CCSER1: variants seen among roughly 807,000 people sequenced by gnomAD.
CCSER1 encodes the protein coiled-coil serine rich protein 1.
CCSER1 carries 41 observed loss-of-function variants against 82.0 expected under a neutral mutation model. The ratio of observed to expected loss-of-function variants is 0.50; its 90% CI spans 0.39 to 0.65. The LOEUF (loss-of-function observed/expected upper bound fraction) is 0.65. Among genes scored for constraint, CCSER1 ranks in the 30% least tolerant of loss-of-function variants. CCSER1 has a pLI of 0.00. For synonymous variants in CCSER1, 414 were observed against 383.9 expected, an observed-to-expected ratio of 1.08 and a Z score of -0.92; for missense variants, 1,119 against 1,064.2, an observed-to-expected ratio of 1.05 and a Z score of -0.72.
intron 3 of CCSER1, among the ~76,000 whole-genome samples, chr4:90,371,563 A>T (rs539694833): frequency 1.3e-5 from 2 of 152,076 alleles, no homozygotes; most frequent in Admixed American, 6.6e-5. Context: ...AACAGTTATG[A>T]AAAAGGTTAA....
At chr4:91,484,382 C>G (rs576135503) in intron 10 of CCSER1, among the ~76,000 whole-genome samples, 1 of 152,120 alleles carries the variant, frequency 6.6e-6, no homozygotes, top group Non-Finnish European at 1.5e-5. Flanking sequence ...ATTCCCATCC[C>G]CAGTCACTAC....
intron 8 of CCSER1, among the ~76,000 whole-genome samples, chr4:90,907,335 G>A (rs1441524037): frequency 6.6e-6 from 1 of 152,102 alleles, no homozygotes; most frequent in Non-Finnish European, 1.5e-5. Flanking sequence ...CTGACAAATA[G>A]AATGTATCTG....
At chr4:90,845,938 G>A (rs553320568) in intron 8 of CCSER1, among the ~76,000 whole-genome samples, 1 of 151,760 alleles carries the variant, frequency 6.6e-6, no homozygotes, top group African/African-American at 2.4e-5. Flanking sequence ...TGAGTCATTA[G>A]TGTCATAGTG....
In CCSER1 at chr4:90,648,284, G is replaced by GGAAAGAAAGAAAGAAAGAAAGGAAA. The variant is rs1553969667; in HGVS notation, c.1932+20073_1932+20074insGAAAGAAAGAAAGAAAGAAAGAAAG. ...AGAAAGAAAGAGAGAGAGAAAGAAAGGAAAGAAAGAAAGAAAGAAAGAAAG... is the reference window on the plus strand; with the variant it reads ...AGAAAGAAAGAGAGAGAGAAAGAAAGGAAAGAAAGAAAGAAAGAAAGGAAAGAAAGAAAGAAAGAAAGAAAGAAAG... On this transcript the variant is annotated intron_variant, in intron 6 of 10. Transcript: ENST00000509176. Among the ~76,000 whole-genome samples the GGAAAGAAAGAAAGAAAGAAAGGAAA allele has an allele frequency of 5.0e-3, 448 of 89,860 alleles. 5 individuals carry two copies. Among genetic ancestry groups the GGAAAGAAAGAAAGAAAGAAAGGAAA allele is most frequent in the African/African-American group, 0.018 (428 of 23,798 alleles). The allele number at this position is 89,860 out of a possible 152,430, so 59.0% of individuals were successfully genotyped here.
Position 90,499,778 on chromosome 4 carries a change from A to G in CCSER1, c.1724+31424A>G, listed in dbSNP as rs939836407. On this transcript the variant is annotated intron_variant, in intron 5 of 10. Transcript: ENST00000509176. ...GAAATTACATGATTTCTCATGTTCC[A>G]TCATAGCTTGAGCTTTTAGGGCACC... Among the ~76,000 whole-genome samples the G allele has an allele frequency of 3.9e-4, 59 of 152,158 alleles. 2 individuals carry two copies. Among genetic ancestry groups the G allele is most frequent in the Non-Finnish European group, 1.5e-5 (1 of 68,016 alleles).
At chr4:90,265,943 G>C (rs2153451000) in intron 1 of CCSER1, among the ~76,000 whole-genome samples, 1 of 152,180 alleles carries the variant, frequency 6.6e-6, no homozygotes, top group African/African-American at 2.4e-5. Context: ...GTAGCCTTCA[G>C]ATATTTTGCA....
chr4:91,028,711 G>GA lies in CCSER1; in HGVS notation c.2173-57228dup, dbSNP rs35653727. ...AGTTCCTTGATTATTCATGTGTCCA[G>GA]AAAAAAAAAAATTAATGCTCGAAGC... On this transcript the variant is annotated intron_variant, in intron 9 of 10. Transcript: ENST00000509176. Among the ~76,000 whole-genome samples, 651 of 147,826 alleles carry GA rather than the reference G, an allele frequency of 4.4e-3. 4 individuals carry two copies. The highest frequency in any genetic ancestry group is 0.015 in the African/African-American group (607 of 39,968).
chr4:90,315,038 G>T (rs1161700662), intron 3 of CCSER1, among the ~76,000 whole-genome samples: 1 of 151,388 alleles, frequency 6.6e-6, no homozygotes, highest in Non-Finnish European at 1.5e-5. Flanking sequence ...GCAGAGAGGG[G>T]GTTTCACCAT....
intron 10 of CCSER1, among the ~76,000 whole-genome samples, chr4:91,390,983 G>A (rs1384371824): frequency 6.6e-6 from 1 of 151,836 alleles, no homozygotes; most frequent in African/African-American, 2.4e-5. Flanking sequence ...AGTTAGCTTA[G>A]CTAGAGGCTT....
intron 8 of CCSER1, among the ~76,000 whole-genome samples, chr4:90,830,749 C>T (rs548222216): frequency 1.3e-5 from 2 of 152,148 alleles, no homozygotes; most frequent in East Asian, 1.9e-4. Flanking sequence ...CCAAACACAC[C>T]CTTCCTTTTT....
intron 10 of CCSER1, among the ~76,000 whole-genome samples, chr4:91,129,045 T>C (rs1418189023): frequency 1.3e-5 from 2 of 152,104 alleles, no homozygotes; most frequent in Non-Finnish European, 2.9e-5. Context: ...TTTAACTCTA[T>C]TTCTCTGCAT....
At chr4:90,478,591 G>A (rs1313002546) in intron 5 of CCSER1, among the ~76,000 whole-genome samples, 3 of 151,918 alleles carry the variant, frequency 2.0e-5, no homozygotes, top group Non-Finnish European at 2.9e-5. Flanking sequence ...TTGCAAACAC[G>A]TATCCATTTA....
chr4:90,839,568 G>T (rs1265329434), intron 8 of CCSER1, among the ~76,000 whole-genome samples: 1 of 152,164 alleles, frequency 6.6e-6, no homozygotes. Flanking sequence ...CTAGAAAGCA[G>T]GTCCTAAGCC....
intron 10 of CCSER1, among the ~76,000 whole-genome samples, chr4:91,288,067 T>TAC (rs201286561): frequency 5.8e-4 from 86 of 147,782 alleles, no homozygotes; most frequent in African/African-American, 2.1e-3. Flanking sequence ...TTAGGATATA[T>TAC]ATATATATAC....
chr4:90,848,207 A>C (rs956249894), intron 8 of CCSER1, among the ~76,000 whole-genome samples: 1 of 152,226 alleles, frequency 6.6e-6, no homozygotes, highest in South Asian at 2.1e-4. Context: ...GCAATGAAGC[A>C]CATATATCAT....
intron 6 of CCSER1, chr4:90,642,505 T>C (rs964667569): frequency 2.0e-5 from 3 of 152,204 alleles, no homozygotes; most frequent in African/African-American, 7.2e-5. Context: ...GATTTACCAG[T>C]AGATAGACAT....
chr4:91,525,316 T>C lies in CCSER1; in HGVS notation c.2218-73256T>C, dbSNP rs1330196722. Among the ~76,000 whole-genome samples, 5 of 152,060 alleles carry C rather than the reference T, an allele frequency of 3.3e-5. No homozygotes were observed. The East Asian group carries it at 9.6e-4, about 29-fold the overall frequency. ...TTGCTGGAAGGAAGATCCTTAAGAT[T>C]GATTATGTGATTGTCTGCAATATGA... On this transcript the variant is annotated intron_variant, in intron 10 of 10. Coordinates refer to ENST00000509176, the MANE Select transcript of CCSER1 (RefSeq NM_001145065.2).
intron 8 of CCSER1, among the ~76,000 whole-genome samples, chr4:90,843,094 CTT>C (rs1421075642): frequency 6.6e-6 from 1 of 152,160 alleles, no homozygotes; most frequent in Non-Finnish European, 1.5e-5. Flanking sequence ...TAAGGCCCAA[CTT>C]TTCACCACGG....
chr4:91,346,617 A>T (rs1748082512), intron 10 of CCSER1, among the ~76,000 whole-genome samples: 1 of 152,084 alleles, frequency 6.6e-6, no homozygotes, highest in Admixed American at 6.5e-5. Flanking sequence ...AATGAATGAG[A>T]TCTCCTTTTG....
Sources: gnomAD v4.1 joint callset for allele counts (sites outside exome capture counted in the v4.1 genomes callset) on GRCh38, gnomAD v4.1.1 for gene constraint, MANE v1.5 for transcripts, NCBI Gene and HGNC (gene_info 2026-07-23, HGNC 2026-07-21) for gene names.